ALK: variants seen among roughly 807,000 people sequenced by gnomAD.
The protein encoded by ALK is ALK receptor tyrosine kinase, also known as ALK tyrosine kinase receptor.
ALK carries 74 observed loss-of-function variants against 163.1 expected under a neutral mutation model. The ratio of observed to expected loss-of-function variants is 0.45; its 90% CI spans 0.38 to 0.55. ALK has a LOEUF of 0.55. Among genes scored for constraint, ALK ranks in the 20% least tolerant of loss-of-function variants. The pLI is 0.00. For synonymous variants in ALK, 960 were observed against 843.2 expected (o/e 1.14, Z -2.40); for missense variants, 2,063 against 2,105.3 (o/e 0.98, Z 0.39).
chr2:29,562,642 A>C (rs1674057230), intron 3 of ALK, among the ~76,000 whole-genome samples: 1 of 152,218 alleles, frequency 6.6e-6, no homozygotes, highest in Admixed American at 6.5e-5. Flanking sequence ...GGGGAAAAAA[A>C]ATCTGAAACT....
intron 4 of ALK, among the ~76,000 whole-genome samples, chr2:29,392,634 A>T (rs1669202135): frequency 6.6e-6 from 1 of 152,200 alleles, no homozygotes; most frequent in Non-Finnish European, 1.5e-5. Flanking sequence ...TCTGTGTACC[A>T]GGCCAGAAGG....
In ALK at chr2:29,636,333, GAAAGAAAGAAAAGAAAAGA is replaced by G. The variant is rs1257645603; in HGVS notation, c.952+58498_952+58516del. Among the ~76,000 whole-genome samples, 604 of 132,848 alleles carry G rather than the reference GAAAGAAAGAAAAGAAAAGA, an allele frequency of 4.5e-3. 5 individuals carry two copies. The highest frequency in any genetic ancestry group is 0.017 in the African/African-American group (585 of 35,238). 87.2% of individuals were successfully genotyped at this position (132,848 alleles called of 152,430 possible). On this transcript the variant is annotated intron_variant, in intron 3 of 28. Transcript: ENST00000389048. Reference sequence around the variant, plus strand: ...TGGACATCCAGAGGCCAAAAATAAAGAAAGAAAGAAAAGAAAAGAAAAGAAAAGAAAAGAAAAGAAAAGA... The same window carrying G: ...TGGACATCCAGAGGCCAAAAATAAAGAAAGAAAAGAAAAGAAAAGAAAAGA...
chr2:29,357,312 A>C (rs1477676047), intron 5 of ALK, among the ~76,000 whole-genome samples: 2 of 152,068 alleles, frequency 1.3e-5, no homozygotes, highest in Non-Finnish European at 2.9e-5. Context: ...GACCACTATC[A>C]CTGTCCTGGC....
intron 4 of ALK, among the ~76,000 whole-genome samples, chr2:29,400,409 C>T (rs1669415310): frequency 6.6e-6 from 1 of 152,156 alleles, no homozygotes; most frequent in Admixed American, 6.5e-5. Context: ...TTGAGTGACC[C>T]TTCTCGCTTT....
chr2:29,609,887 C>T (rs1168405473), intron 3 of ALK, among the ~76,000 whole-genome samples: 1 of 152,090 alleles, frequency 6.6e-6, no homozygotes, highest in Non-Finnish European at 1.5e-5. Flanking sequence ...AGTGACCTTC[C>T]CAATGCAGTC....
intron 3 of ALK, among the ~76,000 whole-genome samples, chr2:29,578,620 A>G (rs1674591800): frequency 6.6e-6 from 1 of 152,230 alleles, no homozygotes; most frequent in African/African-American, 2.4e-5. Flanking sequence ...CTTGTCTTCA[A>G]CTAGAACCAC....
At chr2:29,852,607 G>A (rs1666026399) in intron 1 of ALK, among the ~76,000 whole-genome samples, 1 of 152,122 alleles carries the variant, frequency 6.6e-6, no homozygotes, top group African/African-American at 2.4e-5. Context: ...CCCTCTCCTA[G>A]GTCACTTAGT....
chr2:29,812,605 C>G (rs1211376656), intron 1 of ALK, among the ~76,000 whole-genome samples: 1 of 152,128 alleles, frequency 6.6e-6, no homozygotes, highest in African/African-American at 2.4e-5. Flanking sequence ...ACTCCATTTG[C>G]CTTTTACCAA....
At chr2:29,390,116 A>G (rs1033655866) in intron 4 of ALK, among the ~76,000 whole-genome samples, 1 of 152,220 alleles carries the variant, frequency 6.6e-6, no homozygotes, top group Non-Finnish European at 1.5e-5. Flanking sequence ...TAATCTTTAG[A>G]ACACCATTTT....
intron 3 of ALK, among the ~76,000 whole-genome samples, chr2:29,614,438 C>A (rs546966067): frequency 1.6e-4 from 25 of 152,222 alleles, no homozygotes; most frequent in Non-Finnish European, 3.2e-4. Context: ...TACTTTCCAG[C>A]CCCTGCCCTC....
At chr2:29,275,054 G>C (rs764490636) in intron 11 of ALK, 45 bp downstream of exon 11, 6 of 1,613,018 alleles carry the variant, frequency 3.7e-6, no homozygotes, top group Non-Finnish European at 5.1e-6. Context: ...TCTGCCTTTT[G>C]CAACAAGAAG....
chr2:29,729,725 T>A (rs1448726376), intron 1 of ALK, among the ~76,000 whole-genome samples: 2 of 152,192 alleles, frequency 1.3e-5, no homozygotes, highest in Non-Finnish European at 2.9e-5. Flanking sequence ...TGTGAAGGAA[T>A]GTGGAAGCTG....
intron 1 of ALK, among the ~76,000 whole-genome samples, chr2:29,799,003 T>C (rs970927331): frequency 2.6e-5 from 4 of 152,204 alleles, no homozygotes; most frequent in Admixed American, 6.5e-5. Flanking sequence ...CTCTCGTCTA[T>C]AAAATAGAAA....
At chr2:29,472,776 CTTAA>C (rs1671379028) in intron 4 of ALK, among the ~76,000 whole-genome samples, 2 of 151,948 alleles carry the variant, frequency 1.3e-5, no homozygotes, top group African/African-American at 2.4e-5. Flanking sequence ...TATAAAAACA[CTTAA>C]AAGTCACAAA....
chr2:29,508,536 G>A (rs1558357380), intron 4 of ALK, among the ~76,000 whole-genome samples: 1 of 151,842 alleles, frequency 6.6e-6, no homozygotes, highest in Non-Finnish European at 1.5e-5. Flanking sequence ...TCACACACTG[G>A]TGCCTGTCAT....
At chr2:29,334,212 T>C (rs1478669430) in intron 5 of ALK, among the ~76,000 whole-genome samples, 1 of 152,200 alleles carries the variant, frequency 6.6e-6, no homozygotes, top group Non-Finnish European at 1.5e-5. Context: ...CACTGCTACA[T>C]ATCATTACTA....
chr2:29,709,809 C>T (rs1310530559), intron 2 of ALK, among the ~76,000 whole-genome samples: 1 of 152,170 alleles, frequency 6.6e-6, no homozygotes, highest in East Asian at 1.9e-4. Context: ...TAAAAATGAG[C>T]AAACCTTCCT....
chr2:29,294,682 C>A (rs1174315428), intron 9 of ALK, among the ~76,000 whole-genome samples: 1 of 152,174 alleles, frequency 6.6e-6, no homozygotes, highest in African/African-American at 2.4e-5. Flanking sequence ...TTTCAATAGT[C>A]ATTTCATTTA....
At chr2:29,607,475 C>T (rs887246936) in intron 3 of ALK, among the ~76,000 whole-genome samples, 1 of 152,194 alleles carries the variant, frequency 6.6e-6, no homozygotes, top group Non-Finnish European at 1.5e-5. Context: ...CAATCTCCTT[C>T]CCATCCTCTC....
Sources: gnomAD v4.1 joint callset for allele counts (sites outside exome capture counted in the v4.1 genomes callset) on GRCh38, gnomAD v4.1.1 for gene constraint, MANE v1.5 for transcripts, NCBI Gene and HGNC (gene_info 2026-07-23, HGNC 2026-07-21) for gene names.